The following HCN1 variants were observed in gnomAD, a reference collection of about 807,000 sequenced individuals.
HCN1 encodes the protein hyperpolarization activated cyclic nucleotide gated potassium channel 1.
In HCN1, 13 loss-of-function variants were observed where a neutral mutation model predicts 78.9. The ratio of observed to expected loss-of-function variants is 0.16; its 90% CI spans 0.11 to 0.26. The LOEUF is 0.26. Among genes scored for constraint, HCN1 ranks in the 10% least tolerant of loss-of-function variants. The pLI, the probability that HCN1 is intolerant of heterozygous loss-of-function variation, is 1.00. For missense variants in HCN1, 810 were observed against 1,154.3 expected, an observed-to-expected ratio of 0.70 and a Z score of 4.32; for synonymous variants, 552 against 455.5, an observed-to-expected ratio of 1.21 and a Z score of -2.70.
At chr5:45,694,169 C>T (rs921028556) in intron 1 of HCN1, among the ~76,000 whole-genome samples, 1 of 152,036 alleles carries the variant, frequency 6.6e-6, no homozygotes, top group South Asian at 2.1e-4. Context: ...TTAATATGAA[C>T]ATTTTCTTTT....
chr5:45,586,095 T>A (rs1465128047), intron 2 of HCN1, among the ~76,000 whole-genome samples: 1 of 152,122 alleles, frequency 6.6e-6, no homozygotes, highest in African/African-American at 2.4e-5. Context: ...TCTGCTGCCT[T>A]TTTTTGGCTA....
chr5:45,428,240 A>T (rs1196821912), intron 3 of HCN1, among the ~76,000 whole-genome samples: 1 of 152,114 alleles, frequency 6.6e-6, no homozygotes, highest in East Asian at 1.9e-4. Context: ...TCACTATGAA[A>T]CAATTGATAT....
At chr5:45,318,771 C>G (rs1746059625) in intron 5 of HCN1, among the ~76,000 whole-genome samples, 1 of 151,774 alleles carries the variant, frequency 6.6e-6, no homozygotes, top group Non-Finnish European at 1.5e-5. Flanking sequence ...AATTTTAAGT[C>G]ATTTTTTAAA....
intron 1 of HCN1, among the ~76,000 whole-genome samples, chr5:45,690,072 A>G (rs568489423): frequency 6.6e-6 from 1 of 152,236 alleles, no homozygotes; most frequent in African/African-American, 2.4e-5. Flanking sequence ...TAAGGTGCGA[A>G]GATGTTTGTT....
chr5:45,477,885 A>C (rs1307135940), intron 2 of HCN1, among the ~76,000 whole-genome samples: 1 of 152,206 alleles, frequency 6.6e-6, no homozygotes, highest in East Asian at 1.9e-4. Flanking sequence ...ATTTTTCTAC[A>C]AGCATAGTGG....
intron 6 of HCN1, among the ~76,000 whole-genome samples, chr5:45,283,432 A>C (rs1013926272): frequency 6.6e-6 from 1 of 152,176 alleles, no homozygotes; most frequent in Non-Finnish European, 1.5e-5. Context: ...AAGGAACTTA[A>C]ACAAATTTAC....
Position 45,257,738 on chromosome 5 carries a change from T to C in HCN1, c.*4183A>G, listed in dbSNP as rs577943465. 50 of 152,302 alleles carry C rather than the reference T, an allele frequency of 3.3e-4. No homozygotes were observed. The highest frequency in any genetic ancestry group is 1.1e-3 in the African/African-American group (46 of 41,572). The allele number at this position is 152,302 out of a possible 1,614,324, so 9.4% of individuals were successfully genotyped here. The stretch of plus-strand genomic sequence containing the variant: ...AGCAGGTGTACTTCCCTAAGTACAA[T>C]AGCAAATCTTTCAAAGAAAATTTCT... On this transcript the variant is annotated 3_prime_UTR_variant, in exon 8 of 8. Coordinates refer to ENST00000303230, the MANE Select transcript of HCN1 (RefSeq NM_021072.4).
chr5:45,373,983 TAA>T (rs1314128985), intron 4 of HCN1, among the ~76,000 whole-genome samples: 8 of 106,248 alleles, frequency 7.5e-5, no homozygotes, highest in African/African-American at 2.2e-4. Context: ...AGTAGATACA[TAA>T]TATATATAAT....
At chr5:45,655,455 C>T (rs1014120780) in intron 1 of HCN1, among the ~76,000 whole-genome samples, 3 of 152,056 alleles carry the variant, frequency 2.0e-5, no homozygotes, top group Non-Finnish European at 4.4e-5. Context: ...TGTACTTGCA[C>T]TCTCTCCACC....
At chr5:45,437,403 T>C (rs1022913760) in intron 3 of HCN1, among the ~76,000 whole-genome samples, 5 of 152,244 alleles carry the variant, frequency 3.3e-5, no homozygotes, top group Non-Finnish European at 7.4e-5. Flanking sequence ...ATTTTCTTTA[T>C]AGATAATGAA....
chr5:45,516,458 T>C (rs928899438), intron 2 of HCN1, among the ~76,000 whole-genome samples: 4 of 152,166 alleles, frequency 2.6e-5, no homozygotes, highest in Non-Finnish European at 5.9e-5. Context: ...CTTTTTCTTC[T>C]AGTCCTTTCA....
intron 6 of HCN1, among the ~76,000 whole-genome samples, chr5:45,298,424 G>A (rs547522743): frequency 6.6e-6 from 1 of 151,898 alleles, no homozygotes; most frequent in Non-Finnish European, 1.5e-5. Flanking sequence ...TAGACTGATA[G>A]GAACTATTCA....
intron 3 of HCN1, among the ~76,000 whole-genome samples, chr5:45,426,436 G>A (rs1405934347): frequency 6.6e-6 from 1 of 152,180 alleles, no homozygotes; most frequent in East Asian, 1.9e-4. Flanking sequence ...GGGACCTGGT[G>A]GAGGTAATTG....
chr5:45,696,112 G>C lies in HCN1; in HGVS notation c.-19C>G, dbSNP rs1441372990. On this transcript the variant is annotated 5_prime_UTR_variant, in exon 1 of 8. Transcript: ENST00000303230. Reference sequence around the variant, plus strand: ...CTTCCATGCCCGGAGGACGCGGCCGGCGACGGCGCGGGCTCCAGACTCGCC... The same window carrying C: ...CTTCCATGCCCGGAGGACGCGGCCGCCGACGGCGCGGGCTCCAGACTCGCC... 1 of 1,322,686 alleles carries C rather than the reference G, an allele frequency of 7.6e-7. No homozygotes were observed. The highest frequency in any genetic ancestry group is 9.8e-7 in the Non-Finnish European group (1 of 1,023,992). The allele number at this position is 1,322,686 out of a possible 1,614,324, so 81.9% of individuals were successfully genotyped here. A position where few individuals can be genotyped will look rare whatever the true frequency, so the allele number is the denominator to read the frequency against.
chr5:45,685,589 G>C (rs925108219), intron 1 of HCN1, among the ~76,000 whole-genome samples: 1 of 152,140 alleles, frequency 6.6e-6, no homozygotes, highest in Admixed American at 6.5e-5. Flanking sequence ...GCACATGCCT[G>C]TAATCCCAGC....
intron 4 of HCN1, among the ~76,000 whole-genome samples, chr5:45,389,242 C>T (rs1277302967): frequency 6.6e-6 from 1 of 152,040 alleles, no homozygotes; most frequent in Non-Finnish European, 1.5e-5. Flanking sequence ...TTCTTCATAC[C>T]TCAGTTTTTT....
intron 2 of HCN1, among the ~76,000 whole-genome samples, chr5:45,504,870 A>G (rs1579936932): frequency 6.6e-6 from 1 of 152,118 alleles, no homozygotes; most frequent in Non-Finnish European, 1.5e-5. Context: ...GCATTTTTTC[A>G]TGTGTCTGTT....
In HCN1 at chr5:45,681,340, G is replaced by A. The variant is rs113350405; in HGVS notation, c.425+14329C>T. Among the ~76,000 whole-genome samples the A allele has an allele frequency of 6.5e-3, 987 of 152,082 alleles. 5 individuals carry two copies. The highest frequency in any genetic ancestry group is 0.023 in the African/African-American group (953 of 41,496). ...GTTTGTTTGTTTGGATTTTGATCTT[G>A]CTCTGTCTTTTATATGCAAAAACTA... On this transcript the variant is annotated intron_variant, in intron 1 of 7. Transcript: ENST00000303230.
intron 3 of HCN1, among the ~76,000 whole-genome samples, chr5:45,421,224 G>C (rs188811362): frequency 6.6e-6 from 1 of 152,006 alleles, no homozygotes; most frequent in South Asian, 2.1e-4. Context: ...CACCAAGCCC[G>C]TCTAATTTTT....
Sources: allele counts gnomAD v4.1 joint callset (sites outside exome capture counted in the v4.1 genomes callset), GRCh38; gene constraint gnomAD v4.1.1; transcripts MANE v1.5; gene names NCBI Gene and HGNC (gene_info 2026-07-23, HGNC 2026-07-21).